SEM1: variants seen among roughly 807,000 people sequenced by gnomAD.
SEM1 encodes SEM1 26S proteasome subunit.
In SEM1, 3 loss-of-function variants were observed where a neutral mutation model predicts 12.7. That is an observed-to-expected ratio of 0.24 (90% CI 0.11 to 0.61). The LOEUF is 0.61. SEM1 is among the 20% of genes least tolerant of loss of function. The pLI is 0.88. For missense variants in SEM1, 59 were observed against 81.3 expected (o/e 0.73, Z 1.06); for synonymous variants, 30 against 27.8 (o/e 1.08, Z -0.25).
At chr7:96,525,492 T>C (rs1211956028) in intron 2 of SEM1, among the ~76,000 whole-genome samples, 2 of 152,168 alleles carry the variant, frequency 1.3e-5, no homozygotes, top group Non-Finnish European at 2.9e-5. Context: ...TGAGTTCTTT[T>C]ACATTGTTGT....
At chr7:96,543,850 T>G (rs1308386912) in intron 2 of SEM1, among the ~76,000 whole-genome samples, 1 of 152,038 alleles carries the variant, frequency 6.6e-6, no homozygotes, top group Non-Finnish European at 1.5e-5. Context: ...TGGATTTGCA[T>G]TTGTGATCAT....
chr7:96,551,377 C>T (rs1279870835), intron 2 of SEM1, among the ~76,000 whole-genome samples: 3 of 151,930 alleles, frequency 2.0e-5, no homozygotes, highest in Non-Finnish European at 1.5e-5. Context: ...TCCAGGTGGG[C>T]CCTAAATCAA....
chr7:96,676,215 T>G (rs1789446018), intron 2 of SEM1, among the ~76,000 whole-genome samples: 1 of 152,230 alleles, frequency 6.6e-6, no homozygotes, highest in Non-Finnish European at 1.5e-5. Context: ...CATTTTCCAG[T>G]TGTGAAATAA....
chr7:96,494,616 G>A (rs536396371), intron 1 of SEM1, among the ~76,000 whole-genome samples: 2 of 152,212 alleles, frequency 1.3e-5, no homozygotes, highest in Non-Finnish European at 2.9e-5. Flanking sequence ...GGACATGGGT[G>A]TTAGAATCAC....
At chr7:96,549,545 T>C (rs1805202855) in intron 2 of SEM1, among the ~76,000 whole-genome samples, 1 of 152,146 alleles carries the variant, frequency 6.6e-6, no homozygotes, top group Non-Finnish European at 1.5e-5. Context: ...ACAGACTTTT[T>C]CCACACAAGA....
intron 1 of SEM1, among the ~76,000 whole-genome samples, chr7:96,494,209 G>A (rs559164694): frequency 4.6e-5 from 7 of 152,168 alleles, no homozygotes; most frequent in South Asian, 2.1e-4. Flanking sequence ...GTACAAACTC[G>A]GGCCAGTGAA....
intron 2 of SEM1, among the ~76,000 whole-genome samples, chr7:96,587,729 A>G (rs1426333457): frequency 2.0e-5 from 3 of 151,986 alleles, no homozygotes; most frequent in Non-Finnish European, 4.4e-5. Context: ...ACTGATGCTG[A>G]TAACATTAGA....
chr7:96,554,193 C>G (rs1228794623), intron 2 of SEM1, among the ~76,000 whole-genome samples: 2 of 144,058 alleles, frequency 1.4e-5, no homozygotes, highest in African/African-American at 2.6e-5. Flanking sequence ...TTATTTCCTT[C>G]TCCTGCCTAA....
intron 2 of SEM1, among the ~76,000 whole-genome samples, chr7:96,546,204 A>G (rs1041804284): frequency 6.6e-5 from 10 of 152,076 alleles, no homozygotes; most frequent in Admixed American, 6.6e-4. Context: ...TCGGACACCT[A>G]CTGCTAAATG....
intron 2 of SEM1, among the ~76,000 whole-genome samples, chr7:96,606,792 C>T (rs1045869779): frequency 1.2e-4 from 19 of 152,110 alleles, no homozygotes; most frequent in African/African-American, 4.6e-4. Flanking sequence ...CACATTTGTA[C>T]CATTTTCCCG....
chr7:96,505,432 T>C (rs1167543038), intron 3 of SEM1, among the ~76,000 whole-genome samples: 1 of 152,110 alleles, frequency 6.6e-6, no homozygotes, highest in Non-Finnish European at 1.5e-5. Flanking sequence ...AATTGTGAGA[T>C]GTTAGCAGCT....
At chr7:96,648,217 A>G (rs992299872) in intron 2 of SEM1, among the ~76,000 whole-genome samples, 1 of 152,228 alleles carries the variant, frequency 6.6e-6, no homozygotes, top group Non-Finnish European at 1.5e-5. Flanking sequence ...ATAAAGAAAA[A>G]TATCATTTCA....
intron 2 of SEM1, among the ~76,000 whole-genome samples, chr7:96,509,368 C>A (rs1053648494): frequency 7.9e-5 from 12 of 151,910 alleles, no homozygotes; most frequent in Non-Finnish European, 1.8e-4. Flanking sequence ...CCATTTACAT[C>A]GCTTAGATTT....
chr7:96,704,251 G>T (rs1327093883), intron 1 of SEM1, among the ~76,000 whole-genome samples: 1 of 151,702 alleles, frequency 6.6e-6, no homozygotes, highest in African/African-American at 2.4e-5. Flanking sequence ...CATTCTGGAA[G>T]GATACTAAAG....
intron 2 of SEM1, among the ~76,000 whole-genome samples, chr7:96,573,042 G>T (rs1584774031): frequency 6.6e-6 from 1 of 150,694 alleles, no homozygotes; most frequent in Non-Finnish European, 1.5e-5. Context: ...TGTAATGCCT[G>T]TCTTTGTCTT....
At chr7:96,579,327 C>G (rs1806308771) in intron 2 of SEM1, among the ~76,000 whole-genome samples, 1 of 152,232 alleles carries the variant, frequency 6.6e-6, no homozygotes, top group Non-Finnish European at 1.5e-5. Flanking sequence ...CATGTCACCA[C>G]TTACTGCTGT....
At chr7:96,614,226 TTATC>T (rs1807634406) in intron 2 of SEM1, among the ~76,000 whole-genome samples, 1 of 152,218 alleles carries the variant, frequency 6.6e-6, no homozygotes, top group Non-Finnish European at 1.5e-5. Context: ...ATGTGTGAAT[TTATC>T]TATTTATCTC....
chr7:96,494,933 C>T (rs1251692397), intron 1 of SEM1, among the ~76,000 whole-genome samples: 6 of 125,078 alleles, frequency 4.8e-5, no homozygotes, highest in Non-Finnish European at 1.0e-4. Context: ...GGGAGAATAG[C>T]ATTGGAAGAT....
At chr7:96,675,911 T>TA (rs1349036503) in intron 2 of SEM1, among the ~76,000 whole-genome samples, 2 of 152,244 alleles carry the variant, frequency 1.3e-5, no homozygotes, top group African/African-American at 4.8e-5. Flanking sequence ...AAGTTCCTCT[T>TA]AATCTGTGAA....
Sources: gnomAD v4.1 joint callset for allele counts (sites outside exome capture counted in the v4.1 genomes callset) on GRCh38, gnomAD v4.1.1 for gene constraint, MANE v1.5 for transcripts, NCBI Gene and HGNC (gene_info 2026-07-23, HGNC 2026-07-21) for gene names.